Variants in USP13 observed in about 807,000 individuals in gnomAD.
USP13 encodes the protein ubiquitin specific peptidase 13.
Under a neutral mutation model 107.8 loss-of-function variants are expected in USP13, and 68 were observed. The ratio of observed to expected loss-of-function variants is 0.63; its 90% confidence interval spans 0.52 to 0.77. The LOEUF (loss-of-function observed/expected upper bound fraction) is 0.77. Ranked by LOEUF, USP13 falls within the 30% of genes least tolerant of loss-of-function variation. The probability of loss-of-function intolerance (pLI) is 0.00; values close to 1 mark genes in which losing one functional copy is unlikely to be tolerated. For missense variants in USP13, 945 were observed against 1,093.3 expected (o/e 0.86, Z 1.91); for synonymous variants, 377 against 389.5 (o/e 0.97, Z 0.38).
chr3:179,685,423 T>A (rs1262774427), intron 2 of USP13, among the ~76,000 whole-genome samples: 2 of 152,050 alleles, frequency 1.3e-5, no homozygotes, highest in Admixed American at 1.3e-4. Flanking sequence ...TCTGTTTAAG[T>A]TCCTAACAAA....
intron 19 of USP13, 27 bp from the exon 20 acceptor site, chr3:179,781,712 G>T (rs1247813062): frequency 1.2e-6 from 2 of 1,605,560 alleles, no homozygotes; most frequent in African/African-American, 2.7e-5. Flanking sequence ...ATGCTGCCTT[G>T]TAACTGAGTT....
intron 6 of USP13, among the ~76,000 whole-genome samples, chr3:179,716,489 C>G (rs143597370): frequency 1.3e-5 from 2 of 152,304 alleles, no homozygotes; most frequent in East Asian, 3.9e-4. Context: ...TCAGGGTATA[C>G]ATGTATTTGG....
rs1431728738 is a variant in USP13 at position 179,767,428 on chromosome 3, G to GT, written c.2413+1594dup. Among the ~76,000 whole-genome samples, 462 of 143,698 alleles carry GT rather than the reference G, an allele frequency of 3.2e-3. 2 individuals carry two copies. Among genetic ancestry groups the GT allele is most frequent in the Middle Eastern group, 7.2e-3 (2 of 276 alleles). 94.3% of individuals were successfully genotyped at this position (143,698 alleles called of 152,430 possible). A position where few individuals can be genotyped will look rare whatever the true frequency, so the allele number is the denominator to read the frequency against. On this transcript the variant is annotated intron_variant, in intron 19 of 20. Transcript: ENST00000263966. ...TGTAATGCATTGTTAGTTTTTTTTG[G>GT]TTTTTTTTTTTTTTGAGACAGAGTC...
chr3:179,737,337 A>T (rs734778), intron 10 of USP13, among the ~76,000 whole-genome samples: 1 of 152,064 alleles, frequency 6.6e-6, no homozygotes, highest in South Asian at 2.1e-4. Flanking sequence ...TGGGTGAGTT[A>T]AGAAAAATAT....
intron 1 of USP13, among the ~76,000 whole-genome samples, chr3:179,654,256 C>T (rs918182601): frequency 1.3e-5 from 2 of 151,578 alleles, no homozygotes; most frequent in African/African-American, 2.4e-5. Flanking sequence ...CTTCCGGTGC[C>T]TCCACTCGGG....
At position 179,719,912 on chromosome 3, in the gene USP13, C is replaced by T. The variant is rs376158097; in HGVS notation, c.806-28C>T. On this transcript the variant is annotated intron_variant, in intron 6 of 20. Transcript: ENST00000263966. ...TATTCAGTGACTTGATTACTGATTG[C>T]AGTGCTTATTTTCTCTTCATCCGCT... 1.7e-5 allele frequency: 26 copies of T among 1,568,990 alleles called. 1 individual carries two copies. The highest frequency in any genetic ancestry group is 1.4e-4 in the African/African-American group (10 of 73,876).
chr3:179,679,794 GTTTTTTT>G (rs57620088), intron 1 of USP13, among the ~76,000 whole-genome samples: 2 of 97,450 alleles, frequency 2.1e-5, no homozygotes, highest in East Asian at 3.0e-4. Context: ...CCTATCCTTA[GTTTTTTT>G]TTTTTTTTTT....
chr3:179,666,896 A>T (rs1576910491), intron 1 of USP13, among the ~76,000 whole-genome samples: 1 of 151,864 alleles, frequency 6.6e-6, no homozygotes, highest in East Asian at 1.9e-4. Flanking sequence ...GCTCAAATCC[A>T]CCTCCACTTA....
intron 1 of USP13, among the ~76,000 whole-genome samples, chr3:179,657,256 G>A (rs984989710): frequency 5.3e-5 from 8 of 152,150 alleles, no homozygotes; most frequent in African/African-American, 1.4e-4. Flanking sequence ...GGTGGCTAAC[G>A]CCTGTAATCC....
intron 1 of USP13, among the ~76,000 whole-genome samples, chr3:179,676,553 T>C (rs1467176978): frequency 6.6e-6 from 1 of 152,198 alleles, no homozygotes; most frequent in African/African-American, 2.4e-5. Flanking sequence ...GTTATCCACA[T>C]AGACTTTTTA....
intron 12 of USP13, 59 bp from the exon 13 acceptor site, chr3:179,744,984 C>G: frequency 1.9e-6 from 3 of 1,597,152 alleles, no homozygotes; most frequent in South Asian, 1.1e-5. Context: ...AAAGAGGGTG[C>G]TTTTCATTTC....
intron 15 of USP13, among the ~76,000 whole-genome samples, chr3:179,755,258 C>T (rs1158156122): frequency 6.6e-6 from 1 of 152,120 alleles, no homozygotes; most frequent in African/African-American, 2.4e-5. Flanking sequence ...TTCTCTTTGA[C>T]TCTGTGACCC....
At chr3:179,672,687 T>TA (rs1243825846) in intron 1 of USP13, among the ~76,000 whole-genome samples, 2 of 152,188 alleles carry the variant, frequency 1.3e-5, no homozygotes, top group South Asian at 4.1e-4. Flanking sequence ...GTGATGGGAT[T>TA]ACAGGCGTGA....
intron 6 of USP13, among the ~76,000 whole-genome samples, chr3:179,715,419 C>A (rs1713079684): frequency 6.9e-6 from 1 of 144,592 alleles, no homozygotes; most frequent in South Asian, 2.2e-4. Context: ...GGCTGGAGTG[C>A]AATGGTGTGA....
chr3:179,660,437 TG>T, intron 1 of USP13, among the ~76,000 whole-genome samples: 1 of 152,396 alleles, frequency 6.6e-6, no homozygotes, highest in Middle Eastern at 3.4e-3. Flanking sequence ...GGTTCAGTGT[TG>T]TAGCATGCAT....
chr3:179,658,121 A>G (rs1720337021), intron 1 of USP13, among the ~76,000 whole-genome samples: 1 of 151,866 alleles, frequency 6.6e-6, no homozygotes, highest in Non-Finnish European at 1.5e-5. Context: ...CGCCTGGCTA[A>G]TTTTTTGTAT....
intron 19 of USP13, among the ~76,000 whole-genome samples, chr3:179,766,802 T>C (rs1431173537): frequency 1.3e-5 from 2 of 152,224 alleles, no homozygotes; most frequent in African/African-American, 2.4e-5. Flanking sequence ...CCAGAATCCT[T>C]GTTCTTAACC....
Position 179,721,618 on chromosome 3 carries a change from C to T in USP13, c.1088+29C>T, listed in dbSNP as rs771251195. Reference sequence around the variant, plus strand: ...AGTGCCTTCCATGCAGACCAGGGCACGCGGCACCTCCCTGCCCCATCTAGG... The same window carrying T: ...AGTGCCTTCCATGCAGACCAGGGCATGCGGCACCTCCCTGCCCCATCTAGG... On this transcript the variant is annotated intron_variant, in intron 8 of 20. Transcript: ENST00000263966. This position sits in a 1 kb window ranked among gnomAD's most constrained non-coding sequence, Gnocchi z 4.3. The T allele has an allele frequency of 9.3e-6, 15 of 1,605,140 alleles. No individual in the cohort carries two copies. Among genetic ancestry groups the T allele is most frequent in the African/African-American group, 2.7e-5 (2 of 74,774 alleles).
intron 3 of USP13, among the ~76,000 whole-genome samples, 184 bp downstream of exon 3, chr3:179,690,485 C>T (rs933999739): frequency 6.6e-6 from 1 of 152,172 alleles, no homozygotes; most frequent in Non-Finnish European, 1.5e-5. Context: ...GCTTTTAGCC[C>T]TCTTAGTTGG....
Sources: gnomAD v4.1 joint callset for allele counts (sites outside exome capture counted in the v4.1 genomes callset) on GRCh38, gnomAD v4.1.1 for gene constraint, Gnocchi (gnomAD v3.1) non-coding constraint, MANE v1.5 for transcripts, NCBI Gene and HGNC (gene_info 2026-07-23, HGNC 2026-07-21) for gene names.